HEMK2: variants seen among roughly 807,000 people sequenced by gnomAD.
The protein encoded by HEMK2 is HemK methyltransferase 2, ETF1 glutamine and histone H4 lysine.
At chr21:28,618,625 T>G in the HEMK2 span, among the ~76,000 whole-genome samples, 1 of 152,342 alleles carries the variant, frequency 6.6e-6, no homozygotes, top group Admixed American at 6.5e-5. Context: ...AATTACCATG[T>G]AAATTGATAT....
chr21:28,792,120 A>G, the HEMK2 span, among the ~76,000 whole-genome samples: 8 of 152,120 alleles, frequency 5.3e-5, no homozygotes, highest in Admixed American at 1.3e-4. Flanking sequence ...AAATTACCCT[A>G]TATGGTCTGA....
the HEMK2 span, among the ~76,000 whole-genome samples, chr21:28,672,278 G>A: frequency 1.3e-5 from 2 of 152,046 alleles, no homozygotes; most frequent in East Asian, 3.9e-4. Context: ...GTTAACAACT[G>A]CCCCAAGTAC....
At chr21:28,597,209 T>A in the HEMK2 span, among the ~76,000 whole-genome samples, 1 of 152,200 alleles carries the variant, frequency 6.6e-6, no homozygotes, top group Non-Finnish European at 1.5e-5. Flanking sequence ...TTGAGCTAAG[T>A]CTTGAAGGAT....
chr21:28,620,727 G>T, the HEMK2 span, among the ~76,000 whole-genome samples: 1 of 120,986 alleles, frequency 8.3e-6, no homozygotes, highest in Non-Finnish European at 1.6e-5. Flanking sequence ...ATGCTAGAGT[G>T]CAGTGGTGTA....
chr21:28,761,875 C>T, the HEMK2 span, among the ~76,000 whole-genome samples: 82,861 of 151,828 alleles, frequency 0.55, 25,828 homozygotes, highest in African/African-American at 0.85. Context: ...ATTGAAAAGA[C>T]GAAGATTGGA....
At chr21:28,844,034 TTA>T in the HEMK2 span, among the ~76,000 whole-genome samples, 2 of 152,140 alleles carry the variant, frequency 1.3e-5, no homozygotes, top group African/African-American at 4.8e-5. Context: ...TATTTAGGGA[TTA>T]TATAATACCT....
chr21:28,712,796 T>A, the HEMK2 span, among the ~76,000 whole-genome samples: 1 of 152,186 alleles, frequency 6.6e-6, no homozygotes, highest in African/African-American at 2.4e-5. Flanking sequence ...AGAAAGCATA[T>A]GAAATTGGTT....
At chr21:28,846,761 T>C in the HEMK2 span, among the ~76,000 whole-genome samples, 2 of 152,164 alleles carry the variant, frequency 1.3e-5, no homozygotes, top group African/African-American at 4.8e-5. Flanking sequence ...ATCTGATAGG[T>C]AATTTTTCAA....
chr21:28,789,662 C>T, the HEMK2 span, among the ~76,000 whole-genome samples: 3 of 152,106 alleles, frequency 2.0e-5, no homozygotes, highest in African/African-American at 7.2e-5. Context: ...ACAAAACAGC[C>T]GACATGTAGA....
the HEMK2 span, among the ~76,000 whole-genome samples, chr21:28,854,476 TG>T: frequency 6.6e-6 from 1 of 151,764 alleles, no homozygotes; most frequent in Non-Finnish European, 1.5e-5. Flanking sequence ...AGGGACAGAA[TG>T]GAATAGATAT....
chr21:28,630,575 T>C, the HEMK2 span, among the ~76,000 whole-genome samples: 3 of 151,844 alleles, frequency 2.0e-5, no homozygotes, highest in Admixed American at 2.0e-4. Flanking sequence ...GTGGCACATA[T>C]ACACCATGGA....
the HEMK2 span, among the ~76,000 whole-genome samples, chr21:28,649,648 T>G: frequency 6.6e-6 from 1 of 152,178 alleles, no homozygotes; most frequent in African/African-American, 2.4e-5. Flanking sequence ...GGGTCTCCTT[T>G]GGAAGAGATG....
chr21:28,879,488 G>A, the HEMK2 span, among the ~76,000 whole-genome samples: 9 of 152,096 alleles, frequency 5.9e-5, no homozygotes, highest in Admixed American at 2.0e-4. Flanking sequence ...GTAATCTGCC[G>A]CCTCGGCCTC....
At chr21:28,875,123 G>A in the HEMK2 span, 4 of 152,330 alleles carry the variant, frequency 2.6e-5, no homozygotes, top group Non-Finnish European at 5.9e-5. Flanking sequence ...GCAGGTAGCA[G>A]AAGTGGGGAC....
At chr21:28,588,827 C>G in the HEMK2 span, among the ~76,000 whole-genome samples, 1 of 151,706 alleles carries the variant, frequency 6.6e-6, no homozygotes, top group Non-Finnish European at 1.5e-5. Context: ...ACTAAAAATA[C>G]AAAAAATTAG....
At chr21:28,859,380 G>A in the HEMK2 span, among the ~76,000 whole-genome samples, 1 of 152,082 alleles carries the variant, frequency 6.6e-6, no homozygotes, top group African/African-American at 2.4e-5. Context: ...TTTCATTTGT[G>A]CTTTGACGTT....
the HEMK2 span, among the ~76,000 whole-genome samples, chr21:28,773,659 C>A: frequency 9.4e-3 from 1 of 106 alleles, no homozygotes; most frequent in Non-Finnish European, 0.02. Flanking sequence ...AGACCAAGGT[C>A]TCTAGGCCAT....
At chr21:28,689,879 G>A in the HEMK2 span, among the ~76,000 whole-genome samples, 1 of 152,274 alleles carries the variant, frequency 6.6e-6, no homozygotes, top group Non-Finnish European at 1.5e-5. Context: ...TGAAGATGAA[G>A]GGGGCAATGT....
the HEMK2 span, among the ~76,000 whole-genome samples, chr21:28,602,681 C>T: frequency 6.6e-6 from 1 of 152,118 alleles, no homozygotes; most frequent in South Asian, 2.1e-4. Flanking sequence ...GACTCCTGAG[C>T]CAATAGAGGG....
Sources: allele counts gnomAD v4.1 joint callset (sites outside exome capture counted in the v4.1 genomes callset), GRCh38; gene constraint gnomAD v4.1.1; transcripts MANE v1.5; gene names NCBI Gene and HGNC (gene_info 2026-07-23, HGNC 2026-07-21).